The following DSE variants were observed in gnomAD, a reference collection of about 807,000 sequenced individuals.
The protein encoded by DSE is dermatan-sulfate epimerase.
DSE carries 36 observed loss-of-function variants against 84.4 expected under a neutral mutation model. That is an observed-to-expected ratio of 0.43 (90% CI 0.33 to 0.56). DSE has a LOEUF of 0.56. Among genes scored for constraint, DSE ranks in the 20% least tolerant of loss-of-function variants. The pLI is 0.06. For missense variants in DSE, 862 were observed against 1,169.6 expected, an observed-to-expected ratio of 0.74 and a Z score of 3.84; for synonymous variants, 410 against 430.1, an observed-to-expected ratio of 0.95 and a Z score of 0.58.
Position 116,399,406 on chromosome 6 carries a change from A to T in DSE, c.156A>T (p.Glu52Asp), listed in dbSNP as rs746347190. 4.3e-6 allele frequency: 7 copies of T among 1,614,104 alleles called. No homozygotes were observed. In the African/African-American group the frequency reaches 9.3e-5, roughly 22 times the overall value. ...SHPMLYFSRA[E>D]VAELQLRAAS... Reference sequence around the variant, plus strand: ...CCATGCTGTACTTCTCCAGGGCAGAAGTGGCGGAGCTGCAGCTCAGGGCTG... The same window carrying T: ...CCATGCTGTACTTCTCCAGGGCAGATGTGGCGGAGCTGCAGCTCAGGGCTG... The change falls in exon 2 of 6, where the codon GAA becomes GAT. Residue 52 changes from glutamate to aspartate, a missense_variant. Transcript: ENST00000644252.
chr6:116,341,021 G>A lies in DSE; in HGVS notation c.-53-58177G>A, dbSNP rs186379397. Among the ~76,000 whole-genome samples the A allele has an allele frequency of 2.6e-5, 4 of 152,210 alleles. No individual in the cohort carries two copies. In the East Asian group the frequency reaches 7.7e-4, roughly 29 times the overall value. ...ATATACCCAGTAATGGGATTGCTTG[G>A]TCAAATGGTATTTCTAGTTCTAGAT... On this transcript the variant is annotated intron_variant, in intron 2 of 3. Coordinates refer to the DSE transcript ENST00000430252.
At chr6:116,259,156 AC>A in intron 2 of DSE, 1 of 938,070 alleles carries the variant, frequency 1.1e-6, no homozygotes, top group Non-Finnish European at 1.7e-6. Flanking sequence ...CTCGACGTAG[AC>A]CATGCGCCAC....
At chr6:116,383,722 A>G (rs1179504219) in intron 1 of DSE, among the ~76,000 whole-genome samples, 5 of 152,178 alleles carry the variant, frequency 3.3e-5, no homozygotes, top group Non-Finnish European at 7.3e-5. Context: ...AGATATTTCT[A>G]TCCCCAATTT....
chr6:116,409,106 TGAAG>T (rs1484980217), intron 2 of DSE, among the ~76,000 whole-genome samples: 1 of 152,218 alleles, frequency 6.6e-6, no homozygotes, highest in Non-Finnish European at 1.5e-5. Flanking sequence ...CTTCATACTA[TGAAG>T]GATTAGTTAA....
chr6:116,303,841 A>G (rs1431131746), intron 2 of DSE, among the ~76,000 whole-genome samples: 4 of 152,164 alleles, frequency 2.6e-5, no homozygotes, highest in African/African-American at 9.7e-5. Flanking sequence ...ATCCTGCAAT[A>G]AGAAACAGTG....
Position 116,435,609 on chromosome 6 carries a change from G to C in DSE, c.1141G>C (p.Val381Leu), listed in dbSNP as rs778320676. Reference protein sequence around the residue: ...FLWYDGSLKSVPPPDFGTPTL... With the variant: ...FLWYDGSLKSLPPPDFGTPTL... ...CAGGTATGATGGCAGCTTGAAATCG[G>C]TTCCTCCTCCAGACTTTGGCACCCC... Residue 381 changes from valine to leucine, a missense_variant, in exon 6 of 6, where the codon GTT (valine) becomes CTT (leucine). Physicochemically the swap from Val to Leu is conservative, Grantham distance 32. Coordinates refer to ENST00000644252, the MANE Select transcript of DSE (RefSeq NM_013352.4). 6.3e-6 allele frequency: 10 copies of C among 1,576,808 alleles called. No homozygotes were observed. The East Asian group carries it at 1.4e-4, about 21-fold the overall frequency.
At chr6:116,382,807 T>C (rs1190980080) in intron 1 of DSE, among the ~76,000 whole-genome samples, 1 of 152,166 alleles carries the variant, frequency 6.6e-6, no homozygotes, top group Non-Finnish European at 1.5e-5. Flanking sequence ...CCCAGGCTTA[T>C]GGTGGGAATT....
At chr6:116,353,774 CTTATT>C (rs1447640097) in intron 2 of DSE, among the ~76,000 whole-genome samples, 1 of 152,128 alleles carries the variant, frequency 6.6e-6, no homozygotes, top group Admixed American at 6.6e-5. Flanking sequence ...AGATATCTAG[CTTATT>C]TTATAACTGT....
intron 2 of DSE, among the ~76,000 whole-genome samples, chr6:116,353,196 G>T (rs1469184867): frequency 6.6e-6 from 1 of 152,106 alleles, no homozygotes; most frequent in Non-Finnish European, 1.5e-5. Flanking sequence ...AACACTGATG[G>T]ATATTTTTCC....
At chr6:116,275,381 T>C (rs1434820185) in intron 2 of DSE, among the ~76,000 whole-genome samples, 2 of 152,274 alleles carry the variant, frequency 1.3e-5, no homozygotes, top group African/African-American at 2.4e-5. Flanking sequence ...AGGAATGGCA[T>C]TGCAAATCTT....
intron 2 of DSE, among the ~76,000 whole-genome samples, chr6:116,291,683 A>C (rs946945653): frequency 7.9e-5 from 12 of 152,222 alleles, no homozygotes; most frequent in Middle Eastern, 3.4e-3. Context: ...AGAAAATAAT[A>C]TTAATTGCCA....
At chr6:116,369,516 G>A (rs747188528), upstream of DSE, among the ~76,000 whole-genome samples, 58 of 152,182 alleles carry the variant, frequency 3.8e-4, no homozygotes, top group Non-Finnish European at 2.1e-4. Flanking sequence ...GTATTATATT[G>A]TTACACTATA....
intron 2 of DSE, among the ~76,000 whole-genome samples, chr6:116,360,783 T>C (rs985243108): frequency 7.2e-5 from 11 of 152,214 alleles, no homozygotes; most frequent in African/African-American, 2.7e-4. Context: ...GTGATGAATT[T>C]GACATTTTTA....
At chr6:116,265,928 C>G (rs956544495) in intron 2 of DSE, among the ~76,000 whole-genome samples, 4 of 152,168 alleles carry the variant, frequency 2.6e-5, no homozygotes, top group Non-Finnish European at 5.9e-5. Context: ...TACCCCTTCT[C>G]TAATTAGCTC....
intron 2 of DSE, among the ~76,000 whole-genome samples, chr6:116,340,547 T>C (rs549267317): frequency 8.5e-4 from 130 of 152,280 alleles, no homozygotes; most frequent in African/African-American, 2.9e-3. Context: ...CGTGTAGGTT[T>C]GATACATAGG....
At chr6:116,382,037 CTG>C (rs58610779) in intron 1 of DSE, among the ~76,000 whole-genome samples, 34,010 of 144,662 alleles carry the variant, frequency 0.24, 4,630 homozygotes, top group Non-Finnish European at 0.33. Context: ...ACATGGCATT[CTG>C]TGTGTGTGTG....
In DSE at chr6:116,439,105, T is replaced by A. The variant is rs1038656965; in HGVS notation, c.*1760T>A. On this transcript the variant is annotated 3_prime_UTR_variant, in exon 6 of 6. Coordinates refer to ENST00000644252, the MANE Select transcript of DSE (RefSeq NM_013352.4). ...AGATTCTCCATTTACTTAACCTCAC[T>A]CAACATTCCTCTCTTTTACTCTTTC... 1.3e-5 allele frequency: 2 copies of A among 152,118 alleles called. No homozygotes were observed. The highest frequency in any genetic ancestry group is 2.9e-5 in the Non-Finnish European group (2 of 68,030). The allele number at this position is 152,118 out of a possible 1,614,324, so 9.4% of individuals were successfully genotyped here. A position where few individuals can be genotyped will look rare whatever the true frequency, so the allele number is the denominator to read the frequency against.
At chr6:116,382,855 C>T (rs573963082) in intron 1 of DSE, among the ~76,000 whole-genome samples, 2 of 152,102 alleles carry the variant, frequency 1.3e-5, no homozygotes, top group Non-Finnish European at 2.9e-5. Flanking sequence ...TTCCTTAAGT[C>T]ACTGAGAAAG....
rs1296850458 is a variant in DSE, at chr6:116,436,928, T to C, written c.2460T>C (p.Asp820=). Residue 820 remains aspartate (D), a synonymous_variant, in exon 6 of 6, where the codon GAT becomes GAC. Coordinates refer to ENST00000644252, the MANE Select transcript of DSE (RefSeq NM_013352.4). ...RRAGKRYKFV[D]AVPDIFAQIE... ...CAGGCAAACGCTATAAATTTGTGGA[T>C]GCTGTCCCTGATATTTTTGCACAGA... 6.2e-7 allele frequency: 1 copy of C among 1,613,980 alleles called. No individual in the cohort carries two copies. Among genetic ancestry groups the C allele is most frequent in the Non-Finnish European group, 8.5e-7 (1 of 1,180,016 alleles).
Sources: allele counts gnomAD v4.1 joint callset (sites outside exome capture counted in the v4.1 genomes callset), GRCh38; gene constraint gnomAD v4.1.1; transcripts MANE v1.5; gene names NCBI Gene and HGNC (gene_info 2026-07-23, HGNC 2026-07-21).